ZNF331: variants seen among roughly 807,000 people sequenced by gnomAD.
ZNF331 encodes C2H2-like zinc finger protein rearranged in thyroid adenomas.
A neutral mutation model predicts 7.0 loss-of-function variants in ZNF331; 2 were observed. The ratio of observed to expected loss-of-function variants is 0.29; its 90% CI spans 0.12 to 0.90. ZNF331 has a LOEUF of 0.90. Ranked by LOEUF, ZNF331 falls within the 40% of genes least tolerant of loss-of-function variation. The probability of loss-of-function intolerance (pLI) is 0.58; values close to 1 mark genes in which losing one functional copy is unlikely to be tolerated. For synonymous variants in ZNF331, 196 were observed against 205.4 expected, an observed-to-expected ratio of 0.95 and a Z score of 0.39; for missense variants, 432 against 587.7, an observed-to-expected ratio of 0.74 and a Z score of 2.74.
In ZNF331 at chr19:53,576,826, T is replaced by C. The variant is rs1172307118; in HGVS notation, c.266T>C (p.Leu89Pro). 6.2e-7 allele frequency: 1 copy of C among 1,614,176 alleles called. No homozygotes were observed. The highest frequency in any genetic ancestry group is 1.3e-5 in the African/African-American group (1 of 75,036). Reference protein sequence around the residue: ...LGRNWICEGTLERPQRSRGRY... With the variant: ...LGRNWICEGTPERPQRSRGRY... The stretch of plus-strand genomic sequence containing the variant: ...CGTAACTGGATATGTGAAGGTACGC[T>C]TGAAAGACCACAGCGCTCCAGAGGG... Residue 89 changes from leucine (L) to proline (P), a missense_variant, in exon 6 of 6, where the codon CTT (leucine) becomes CCT (proline). By Grantham distance (98) the Leu-to-Pro change is moderately conservative. Coordinates refer to ENST00000449416, the MANE Select transcript of ZNF331 (RefSeq NM_001079906.2).
chr19:53,516,741 T>C (rs919365250), upstream of ZNF331, among the ~76,000 whole-genome samples: 2 of 152,216 alleles, frequency 1.3e-5, no homozygotes, highest in African/African-American at 4.8e-5. Flanking sequence ...GCTAACTCCT[T>C]ACAACTTGTG....
the ZNF331 span, among the ~76,000 whole-genome samples, chr19:53,513,374 A>G: frequency 6.6e-6 from 1 of 152,136 alleles, no homozygotes. Context: ...TTTAAAATTA[A>G]AAAGAATTTT....
chr19:53,517,542 T>C (rs2086931705), upstream of ZNF331, among the ~76,000 whole-genome samples: 1 of 152,194 alleles, frequency 6.6e-6, no homozygotes, highest in African/African-American at 2.4e-5. Context: ...CAAAGATTCT[T>C]CTTTGCAAGA....
intron 3 of ZNF331, among the ~76,000 whole-genome samples, chr19:53,559,706 TAC>T (rs1263596082): frequency 3.1e-4 from 44 of 141,234 alleles, no homozygotes; most frequent in East Asian, 6.2e-4. Context: ...ACCCCATATA[TAC>T]ACAGATATAC....
intron 2 of ZNF331, among the ~76,000 whole-genome samples, chr19:53,541,112 T>TTTC (rs1442107897): frequency 7.0e-5 from 10 of 143,372 alleles, no homozygotes; most frequent in Admixed American, 2.1e-4. Context: ...TTTCTTTTCT[T>TTTC]TTTTTTTTTT....
chr19:53,579,211 T>C lies in ZNF331; in HGVS notation c.*1259T>C, dbSNP rs1271173884. 4.8e-6 allele frequency: 1 copy of C among 210,270 alleles called. No individual in the cohort carries two copies. The highest frequency in any genetic ancestry group is 9.7e-6 in the Non-Finnish European group (1 of 103,546). 13.0% of individuals were successfully genotyped at this position (210,270 alleles called of 1,614,324 possible). On this transcript the variant is annotated 3_prime_UTR_variant, in exon 6 of 6. Coordinates refer to ENST00000449416, the MANE Select transcript of ZNF331 (RefSeq NM_001079906.2). The stretch of plus-strand genomic sequence containing the variant: ...TTGTTTTTGGTGTAGATGTTTTTAT[T>C]GTGTGGGTTAGTTTAATGAATACAT...
At chr19:53,569,078 G>A (rs535823793) in intron 3 of ZNF331, among the ~76,000 whole-genome samples, 103 of 152,004 alleles carry the variant, frequency 6.8e-4, no homozygotes, top group African/African-American at 2.4e-3. Flanking sequence ...AGATGGTCTC[G>A]ATCTCCTAAC....
intron 2 of ZNF331, among the ~76,000 whole-genome samples, chr19:53,550,759 A>ATGACCTCAAGTCAAATGACTTGAGGT (rs2088945610): frequency 1.3e-5 from 2 of 150,150 alleles, no homozygotes; most frequent in South Asian, 4.2e-4. Flanking sequence ...CTGGTCTCAA[A>ATGACCTCAAGTCAAATGACTTGAGGT]CTCCTGACCT....
At chr19:53,575,493 C>T (rs1272488322) in intron 5 of ZNF331, among the ~76,000 whole-genome samples, 4 of 141,094 alleles carry the variant, frequency 2.8e-5, no homozygotes, top group South Asian at 2.2e-4. Flanking sequence ...TTCTTTTACC[C>T]AGTTGCTTTT....
chr19:53,563,182 G>C (rs1344968912), intron 3 of ZNF331, among the ~76,000 whole-genome samples: 2 of 136,060 alleles, frequency 1.5e-5, no homozygotes, highest in Admixed American at 8.2e-5. Context: ...CCGCCTCCCG[G>C]GTTCAAGCGA....
At chr19:53,537,685 T>G (rs1409193678), upstream of ZNF331, 2 of 152,260 alleles carry the variant, frequency 1.3e-5, no homozygotes, top group Non-Finnish European at 2.9e-5. Context: ...GGGCTCTGGT[T>G]TCCCCCGACG....
At chr19:53,505,380 T>C in the ZNF331 span, among the ~76,000 whole-genome samples, 1 of 152,140 alleles carries the variant, frequency 6.6e-6, no homozygotes, top group African/African-American at 2.4e-5. Context: ...CTCCCCGCCC[T>C]GGGCTCCAGC....
intron 3 of ZNF331, 140 bp downstream of exon 3, chr19:53,556,048 T>G (rs964185418): frequency 6.6e-6 from 1 of 151,460 alleles, no homozygotes; most frequent in Non-Finnish European, 1.5e-5. Context: ...ATCGAGACCA[T>G]CCTGGCTAAC....
chr19:53,521,782 G>A (rs942233198), exon 1 of ZNF331: 4 of 152,784 alleles, frequency 2.6e-5, no homozygotes, highest in African/African-American at 9.6e-5. Flanking sequence ...GCTGTGACTG[G>A]TCGGGATCGG....
chr19:53,540,114 C>G (rs1600264189), intron 2 of ZNF331, among the ~76,000 whole-genome samples: 1 of 152,140 alleles, frequency 6.6e-6, no homozygotes, highest in East Asian at 1.9e-4. Flanking sequence ...AAGAGAGGAG[C>G]CTGGCCACAT....
upstream of ZNF331, among the ~76,000 whole-genome samples, chr19:53,533,915 T>G (rs2087638607): frequency 6.6e-6 from 1 of 152,208 alleles, no homozygotes; most frequent in South Asian, 2.1e-4. Flanking sequence ...GAAGCCTTAT[T>G]GATTACATAA....
intron 2 of ZNF331, among the ~76,000 whole-genome samples, chr19:53,532,382 C>G (rs2087576054): frequency 6.6e-6 from 1 of 152,120 alleles, no homozygotes; most frequent in African/African-American, 2.4e-5. Flanking sequence ...ATGATGTCCT[C>G]TAGGTTCACC....
chr19:53,572,500 A>G (rs545116764), intron 5 of ZNF331, among the ~76,000 whole-genome samples: 3 of 149,684 alleles, frequency 2.0e-5, no homozygotes, highest in Admixed American at 1.3e-4. Context: ...CGCTAAAACA[A>G]TAAACAAATA....
At chr19:53,521,331 A>AGTGTGAGT (rs1555748068) in exon 1 of ZNF331, 27 of 129,210 alleles carry the variant, frequency 2.1e-4, no homozygotes, top group African/African-American at 7.7e-4. Context: ...AGTGTGTGTG[A>AGTGTGAGT]GTGTGTGTGT....
Sources: allele counts gnomAD v4.1 joint callset (sites outside exome capture counted in the v4.1 genomes callset), GRCh38; gene constraint gnomAD v4.1.1; transcripts MANE v1.5; gene names NCBI Gene and HGNC (gene_info 2026-07-23, HGNC 2026-07-21).